Variants in UBE4B observed in about 807,000 individuals in gnomAD.
The protein encoded by UBE4B is ubiquitin conjugation factor E4 B.
UBE4B carries 27 observed loss-of-function variants against 148.1 expected under a neutral mutation model. The ratio of observed to expected loss-of-function variants is 0.18; its 90% CI spans 0.13 to 0.25. The LOEUF is 0.25. Ranked by LOEUF, UBE4B falls within the 10% of genes least tolerant of loss-of-function variation. The pLI is 1.00. For synonymous variants in UBE4B, 596 were observed against 619.3 expected (o/e 0.96, Z 0.56); for missense variants, 1,170 against 1,662.4 (o/e 0.70, Z 5.15).
intron 2 of UBE4B, chr1:10,072,647 T>C: frequency 1.7e-6 from 1 of 597,086 alleles, no homozygotes; most frequent in South Asian, 2.2e-5. Context: ...CTTTAACTTT[T>C]CAGAGGATAA....
chr1:10,103,626 G>GTTTTTTTTTTTTTTTTTTTTT (rs1279924321), intron 5 of UBE4B, among the ~76,000 whole-genome samples: 4 of 117,070 alleles, frequency 3.4e-5, no homozygotes, highest in Non-Finnish European at 7.4e-5. Flanking sequence ...TGTTTGTTTT[G>GTTTTTTTTTTTTTTTTTTTTT]TTTTTGTTTT....
At chr1:10,034,542 GCCTTTTCTCTT>G (rs1361048574) in intron 1 of UBE4B, among the ~76,000 whole-genome samples, 2 of 151,650 alleles carry the variant, frequency 1.3e-5, no homozygotes, top group East Asian at 1.9e-4. Flanking sequence ...TGATTCTACT[GCCTTTTCTCTT>G]CCTTTTTGCA....
chr1:10,151,278 C>T, intron 20 of UBE4B, 48 bp from the exon 21 acceptor site: 1 of 1,573,684 alleles, frequency 6.4e-7, no homozygotes, highest in African/African-American at 1.4e-5. Flanking sequence ...ATGAGTTTCT[C>T]AGCAGTTTCT....
At chr1:10,162,021 G>C (rs543730522) in intron 23 of UBE4B, among the ~76,000 whole-genome samples, 1 of 141,142 alleles carries the variant, frequency 7.1e-6, no homozygotes, top group South Asian at 2.1e-4. Context: ...TTTTTGAGAC[G>C]GAGTTTCACT....
chr1:10,042,218 A>G (rs571058798), intron 1 of UBE4B, among the ~76,000 whole-genome samples: 1 of 152,124 alleles, frequency 6.6e-6, no homozygotes, highest in East Asian at 1.9e-4. Flanking sequence ...ATTTTCTCAC[A>G]CGGCACTTGT....
At chr1:10,179,611 G>A (rs1482191430) in intron 27 of UBE4B, 49 bp downstream of exon 27, 1 of 1,602,164 alleles carries the variant, frequency 6.2e-7, no homozygotes, top group Non-Finnish European at 8.5e-7. Context: ...AGTACCAAGA[G>A]ATAAAGCCCA....
chr1:10,042,086 C>T (rs1292798788), intron 1 of UBE4B, among the ~76,000 whole-genome samples: 5 of 152,174 alleles, frequency 3.3e-5, no homozygotes, highest in East Asian at 1.9e-4. Flanking sequence ...AGGCGCCCGC[C>T]GCCAGGCCCA....
At chr1:10,107,197 G>C in intron 7 of UBE4B, 1 of 1,289,382 alleles carries the variant, frequency 7.8e-7, no homozygotes, top group Non-Finnish European at 1.0e-6. Flanking sequence ...TTCTCTGATG[G>C]CCTTTTTTGC....
chr1:10,055,020 A>G (rs936570359), intron 1 of UBE4B, among the ~76,000 whole-genome samples: 1 of 152,016 alleles, frequency 6.6e-6, no homozygotes, highest in Admixed American at 6.6e-5. Context: ...TCCGGACCTC[A>G]GGGGATCCAC....
At chr1:10,118,369 G>T (rs1166835449) in intron 8 of UBE4B, among the ~76,000 whole-genome samples, 1 of 151,892 alleles carries the variant, frequency 6.6e-6, no homozygotes, top group Non-Finnish European at 1.5e-5. Context: ...ATGGAGTCTC[G>T]TTCTCTCACC....
At chr1:10,115,990 G>A (rs58277158) in intron 7 of UBE4B, among the ~76,000 whole-genome samples, 5,178 of 152,238 alleles carry the variant, frequency 0.034, 294 homozygotes, top group African/African-American at 0.12. Flanking sequence ...GTTATGTGGC[G>A]CATGTGTTAC....
chr1:10,132,428 T>C lies in UBE4B; in HGVS notation c.1971T>C (p.Ala657=). The C allele has an allele frequency of 6.2e-7, 1 of 1,614,254 alleles. No homozygotes were observed. The highest frequency in any genetic ancestry group is 8.5e-7 in the Non-Finnish European group (1 of 1,180,046). The change falls in exon 15 of 28, where the codon GCT becomes GCC. Residue 657 remains alanine, a synonymous_variant. Transcript: ENST00000343090. ...TAAATGGCGAAACCCGTGAGGCTGC[T>C]CTCAGTTACATGGCGGCTGTCGTCA... ...ILLNGETREA[A]LSYMAAVVNA... is the part of the protein sequence containing the mutation.
At position 10,179,910 on chromosome 1, in the gene UBE4B, A is replaced by C. The variant is rs1258464548; in HGVS notation, c.3863A>C (p.Glu1288Ala). 6.2e-7 allele frequency: 1 copy of C among 1,614,092 alleles called. No individual in the cohort carries two copies. Among genetic ancestry groups the C allele is most frequent in the South Asian group, 1.1e-5 (1 of 91,086 alleles). The change falls in exon 28 of 28, where the codon GAG becomes GCG. Residue 1288 changes from glutamate (E) to alanine (A), a missense_variant. Around this residue, in one of 6 missense-constraint regions of UBE4B, gnomAD observed 348 missense variants for 627.2 expected, o/e 0.55. Transcript: ENST00000343090. ...CTTTTCTCAGTGCCAGAACTGAAAGAGCAGATTCAGGCGTGGATGAGAGAG... is the reference window on the plus strand; with the variant it reads ...CTTTTCTCAGTGCCAGAACTGAAAGCGCAGATTCAGGCGTGGATGAGAGAG... The part of the protein sequence containing the change: ...SMLEPVPELK[E>A]QIQAWMREKQ...
At chr1:10,144,881 G>T in intron 17 of UBE4B, 59 bp from the exon 18 acceptor site, 2 of 1,292,716 alleles carry the variant, frequency 1.5e-6, no homozygotes, top group South Asian at 2.6e-5. Context: ...TGAGCAAGAT[G>T]AATGGGTAAG....
At chr1:10,123,206 G>A (rs552250240) in intron 10 of UBE4B, among the ~76,000 whole-genome samples, 17 of 152,248 alleles carry the variant, frequency 1.1e-4, no homozygotes, top group African/African-American at 3.9e-4. Flanking sequence ...TGAGGCGGAT[G>A]GATCGCCTGA....
At chr1:10,174,115 G>T (rs1557618122) in intron 25 of UBE4B, among the ~76,000 whole-genome samples, 1 of 152,158 alleles carries the variant, frequency 6.6e-6, no homozygotes, top group Admixed American at 6.5e-5. Flanking sequence ...AAGTGTTGGG[G>T]CTGGGCGCAG....
chr1:10,033,506 C>T lies in UBE4B; in HGVS notation c.-165C>T. 1.4e-6 allele frequency: 1 copy of T among 715,100 alleles called. No homozygotes were observed. Among genetic ancestry groups the T allele is most frequent in the Non-Finnish European group, 2.1e-6 (1 of 486,314 alleles). The allele number at this position is 715,100 out of a possible 1,614,324, so 44.3% of individuals were successfully genotyped here. A position where few individuals can be genotyped will look rare whatever the true frequency, so the allele number is the denominator to read the frequency against. On this transcript the variant is annotated 5_prime_UTR_variant, in exon 1 of 28. Transcript: ENST00000343090. ...TGACCGAAGCCAAGGCAGTTTAGTG[C>T]CTCTCGTGTTCTTATTTTTTAACCT...
intron 2 of UBE4B, among the ~76,000 whole-genome samples, chr1:10,079,924 T>C (rs1557535571): frequency 6.6e-6 from 1 of 152,178 alleles, no homozygotes; most frequent in African/African-American, 2.4e-5. Context: ...GGGCACTGTA[T>C]TGAGAGCTAG....
Position 10,134,988 on chromosome 1 carries a change from A to C in UBE4B, c.2026A>C (p.Thr676Pro), listed in dbSNP as rs756270935. The C allele has an allele frequency of 1.2e-6, 2 of 1,613,676 alleles. No individual in the cohort carries two copies. The highest frequency in any genetic ancestry group is 8.5e-7 in the Non-Finnish European group (1 of 1,179,692). ...TACTTTTTCTTTTCAACTTTCACAGACAGATGATAGATTGGTGTCTACAGA... is the reference window on the plus strand; with the variant it reads ...TACTTTTTCTTTTCAACTTTCACAGCCAGATGATAGATTGGTGTCTACAGA... ...NANMKKAQMQ[T>P]DDRLVSTDGF... The change falls in exon 16 of 28, where the codon ACA becomes CCA. Residue 676 changes from threonine (T) to proline (P), a missense_variant and splice_region_variant. Physicochemically the swap from Thr to Pro is conservative, Grantham distance 38. Transcript: ENST00000343090.
Sources: allele counts gnomAD v4.1 joint callset (sites outside exome capture counted in the v4.1 genomes callset), GRCh38; gene constraint gnomAD v4.1.1; regional missense constraint gnomAD v4.1.1; transcripts MANE v1.5; gene names NCBI Gene and HGNC (gene_info 2026-07-23, HGNC 2026-07-21).